TOGARAM1: variants seen among roughly 807,000 people sequenced by gnomAD.
TOGARAM1 encodes the protein TOG array regulator of axonemal microtubules 1.
TOGARAM1 carries 100 observed loss-of-function variants against 166.6 expected under a neutral mutation model. The observed-to-expected ratio is 0.60, with a 90% confidence interval of 0.51 to 0.71. TOGARAM1 has a LOEUF of 0.71. Ranked by LOEUF, TOGARAM1 falls within the 30% of genes least tolerant of loss-of-function variation. The pLI, the probability that TOGARAM1 is intolerant of heterozygous loss-of-function variation, is 0.00. For synonymous variants in TOGARAM1, 758 were observed against 763.8 expected, an observed-to-expected ratio of 0.99 and a Z score of 0.13; for missense variants, 2,029 against 2,102.7, an observed-to-expected ratio of 0.96 and a Z score of 0.69.
Position 44,962,823 on chromosome 14 carries a change from A to G in TOGARAM1, c.402A>G (p.Glu134=). Residue 134 remains glutamate (E), a synonymous_variant, in exon 1 of 20, where the codon GAA becomes GAG. Coordinates refer to ENST00000361462, the MANE Select transcript of TOGARAM1 (RefSeq NM_001308120.2). ...GACTTGGCTTCCCCCGACGCAAGGA[A>G]GCTTTGTATCGGGCACTGGGCCGAG... ...GGRLGFPRRK[E]ALYRALGRVL... is the part of the protein sequence containing the mutation. 1 of 1,613,026 alleles carries G rather than the reference A, an allele frequency of 6.2e-7. No homozygotes were observed.
chr14:45,071,024 C>T (rs942913830), intron 18 of TOGARAM1, among the ~76,000 whole-genome samples: 9 of 152,052 alleles, frequency 5.9e-5, no homozygotes, highest in East Asian at 3.9e-4. Context: ...CTGGTTCAAG[C>T]GATTCTCCTG....
At chr14:45,054,282 G>A (rs577037345) in intron 15 of TOGARAM1, 149 bp from the exon 16 acceptor site, 10 of 494,396 alleles carry the variant, frequency 2.0e-5, no homozygotes, top group Admixed American at 1.2e-4. Context: ...GGTGTTTTAT[G>A]TATCTCATAC....
At chr14:45,029,593 A>G (rs1372995267) in intron 10 of TOGARAM1, among the ~76,000 whole-genome samples, 1 of 152,220 alleles carries the variant, frequency 6.6e-6, no homozygotes. Context: ...TTTAATAGCT[A>G]AATTCTAATT....
intron 2 of TOGARAM1, 145 bp downstream of exon 2, chr14:44,996,047 A>G: frequency 1.8e-6 from 1 of 552,820 alleles, no homozygotes; most frequent in Admixed American, 3.8e-5. Context: ...AAGAATGGAC[A>G]CTTAGACATT....
At chr14:45,011,602 A>G (rs1019486304) in intron 6 of TOGARAM1, among the ~76,000 whole-genome samples, 6 of 151,502 alleles carry the variant, frequency 4.0e-5, no homozygotes, top group Non-Finnish European at 7.4e-5. Flanking sequence ...GGCATGAGTC[A>G]CCACACTTGG....
rs1880038259 is a variant in TOGARAM1 at position 45,015,076 on chromosome 14, G to GGCTGAGGCA, written c.3238+3002_3238+3003insCTGAGGCAG. Among the ~76,000 whole-genome samples the GGCTGAGGCA allele has an allele frequency of 2.0e-5, 3 of 152,082 alleles. 1 individual carries two copies. In the South Asian group the frequency reaches 6.2e-4, roughly 31 times the overall value. Reference sequence around the variant, plus strand: ...CCCAGCACTTTGGGAGGCTGAGGCAGGTGAATCACTTGAGCCCGAGAGTTT... The same window carrying GGCTGAGGCA: ...CCCAGCACTTTGGGAGGCTGAGGCAGGCTGAGGCAGTGAATCACTTGAGCCCGAGAGTTT... On this transcript the variant is annotated intron_variant, in intron 7 of 19. Transcript: ENST00000361462.
intron 18 of TOGARAM1, among the ~76,000 whole-genome samples, 176 bp from the exon 19 acceptor site, chr14:45,071,536 C>T (rs1219472417): frequency 2.0e-5 from 3 of 152,080 alleles, no homozygotes; most frequent in Non-Finnish European, 2.9e-5. Context: ...ATTACAGGTG[C>T]TAGCCACCAT....
intron 1 of TOGARAM1, among the ~76,000 whole-genome samples, chr14:44,973,573 G>T (rs752279776): frequency 3.4e-5 from 5 of 148,296 alleles, no homozygotes; most frequent in Non-Finnish European, 7.4e-5. Flanking sequence ...CTCCTCCAGT[G>T]TACTTTCTCT....
At chr14:45,054,348 C>A (rs1882527375) in intron 15 of TOGARAM1, 83 bp from the exon 16 acceptor site, 1 of 802,812 alleles carries the variant, frequency 1.2e-6, no homozygotes, top group Admixed American at 2.7e-5. Context: ...ATCAATGATG[C>A]CTACTTTGAA....
At chr14:45,071,579 T>C (rs1029070882) in intron 18 of TOGARAM1, 133 bp from the exon 19 acceptor site, 1 of 527,508 alleles carries the variant, frequency 1.9e-6, no homozygotes, top group Non-Finnish European at 3.3e-6. Flanking sequence ...AAATAGTGAT[T>C]ATGTAGATTT....
chr14:45,036,220 T>C (rs1427285623), intron 11 of TOGARAM1, among the ~76,000 whole-genome samples: 1 of 149,244 alleles, frequency 6.7e-6, no homozygotes, highest in African/African-American at 2.5e-5. Context: ...GACATGGCAG[T>C]ATTGCTTTAC....
chr14:45,008,692 C>A (rs1205632514), intron 5 of TOGARAM1, among the ~76,000 whole-genome samples: 1 of 152,092 alleles, frequency 6.6e-6, no homozygotes, highest in African/African-American at 2.4e-5. Context: ...GAGATTCTTC[C>A]TCTCAAGGAG....
intron 14 of TOGARAM1, among the ~76,000 whole-genome samples, chr14:45,049,057 C>CAAAAAAA (rs71108678): frequency 2.1e-5 from 1 of 47,300 alleles, no homozygotes; most frequent in South Asian, 1.8e-3. Context: ...ACAAACTTCT[C>CAAAAAAA]AAAAAAAAAA....
intron 16 of TOGARAM1, among the ~76,000 whole-genome samples, chr14:45,062,045 G>A (rs1882922662): frequency 6.6e-6 from 1 of 152,070 alleles, no homozygotes; most frequent in Admixed American, 6.6e-5. Context: ...TTATGGCCCA[G>A]CATGTGTTCT....
At chr14:45,005,686 C>T (rs1887918594) in intron 4 of TOGARAM1, among the ~76,000 whole-genome samples, 1 of 152,072 alleles carries the variant, frequency 6.6e-6, no homozygotes, top group Non-Finnish European at 1.5e-5. Flanking sequence ...ATTTTCTTTC[C>T]CCAGCCATTG....
chr14:44,992,584 G>A (rs1037550059), intron 1 of TOGARAM1, among the ~76,000 whole-genome samples: 2 of 150,362 alleles, frequency 1.3e-5, no homozygotes, highest in Admixed American at 1.3e-4. Context: ...TAGGTCAGAG[G>A]ATTAAACAAG....
intron 1 of TOGARAM1, among the ~76,000 whole-genome samples, chr14:44,964,951 T>TAAAAAAAAAAAAAAAAAAA: frequency 1.2e-5 from 1 of 85,904 alleles, no homozygotes; most frequent in Non-Finnish European, 2.2e-5. Flanking sequence ...ACTAGAAAAG[T>TAAAAAAAAAAAAAAAAAAA]AAAAAAAAAA....
chr14:45,008,923 C>G lies in TOGARAM1; in HGVS notation c.2915C>G (p.Ser972Cys), dbSNP rs780990804. The change falls in exon 6 of 20, where the codon TCT becomes TGT. Residue 972 changes from serine (S) to cysteine (C), a missense_variant. Transcript: ENST00000361462. ...KDLDQEEMHSSLRSLRNSAAK... is the reference protein window; with the variant it reads ...KDLDQEEMHSCLRSLRNSAAK... The stretch of plus-strand genomic sequence containing the variant: ...TTCATTTTTTCTTAGATGCATAGCT[C>G]TCTTAGGTCCCTTCGTAATAGTGCA... 2 of 1,612,712 alleles carry G rather than the reference C, an allele frequency of 1.2e-6. No homozygotes were observed. Among genetic ancestry groups the G allele is most frequent in the South Asian group, 2.2e-5 (2 of 90,898 alleles).
chr14:45,057,854 C>A (rs1882714509), intron 16 of TOGARAM1, among the ~76,000 whole-genome samples: 1 of 152,034 alleles, frequency 6.6e-6, no homozygotes, highest in Non-Finnish European at 1.5e-5. Context: ...TATTATGTGA[C>A]CTAATATATG....
Sources: gnomAD v4.1 joint callset for allele counts (sites outside exome capture counted in the v4.1 genomes callset) on GRCh38, gnomAD v4.1.1 for gene constraint, MANE v1.5 for transcripts, NCBI Gene and HGNC (gene_info 2026-07-23, HGNC 2026-07-21) for gene names.